SPATA6: variants seen among roughly 807,000 people sequenced by gnomAD.
SPATA6 encodes spermatogenesis associated 6, also known as spermatogenesis-associated protein 6.
SPATA6 carries 56 observed loss-of-function variants against 65.3 expected under a neutral mutation model. The observed-to-expected ratio is 0.86, with a 90% CI of 0.69 to 1.07. The LOEUF is 1.07. SPATA6 is among the 50% of genes least tolerant of loss of function. SPATA6 has a pLI of 0.00. For missense variants in SPATA6, 590 were observed against 594.8 expected (o/e 0.99, Z 0.08); for synonymous variants, 199 against 213.2 (o/e 0.93, Z 0.58).
At chr1:48,445,659 C>CAAAAAAAAA (rs10632587) in intron 3 of SPATA6, among the ~76,000 whole-genome samples, 1 of 51,274 alleles carries the variant, frequency 2.0e-5, no homozygotes, top group Non-Finnish European at 3.1e-5. Context: ...GACTCTGTCT[C>CAAAAAAAAA]AAAAAAAAAA....
chr1:48,439,580 G>A (rs1216257216), intron 3 of SPATA6, among the ~76,000 whole-genome samples: 4 of 152,184 alleles, frequency 2.6e-5, no homozygotes, highest in African/African-American at 9.7e-5. Flanking sequence ...CTGCATCGGT[G>A]AGCACAACTA....
In SPATA6 at chr1:48,369,343, GCTGT is replaced by G. The variant is rs201342781; in HGVS notation, c.910-9577_910-9574del. Among the ~76,000 whole-genome samples, 186 of 152,332 alleles carry G rather than the reference GCTGT, an allele frequency of 1.2e-3. 2 individuals are homozygous for G. The East Asian group carries it at 0.034, about 28-fold the overall frequency. ...CTGTCAGACAGGGACATTTAAGTCT[GCTGT>G]CTTTTTGTTTGTCTGTGCCCTGCCC... On this transcript the variant is annotated intron_variant, in intron 9 of 12. Transcript: ENST00000371847.
At chr1:48,412,116 C>T (rs911157972) in intron 4 of SPATA6, among the ~76,000 whole-genome samples, 2 of 152,024 alleles carry the variant, frequency 1.3e-5, no homozygotes, top group Non-Finnish European at 2.9e-5. Flanking sequence ...CACCTTGGCC[C>T]CACAAAGTGC....
intron 5 of SPATA6, among the ~76,000 whole-genome samples, chr1:48,409,499 T>C (rs998780908): frequency 3.9e-5 from 6 of 152,318 alleles, no homozygotes; most frequent in South Asian, 2.1e-4. Context: ...GTGGCCCTCT[T>C]CTCACAGCTC....
At chr1:48,427,501 C>A (rs1570541297) in intron 3 of SPATA6, among the ~76,000 whole-genome samples, 4 of 147,432 alleles carry the variant, frequency 2.7e-5, no homozygotes, top group Admixed American at 2.7e-4. Context: ...GAAATGGATA[C>A]ATTATTGCTG....
chr1:48,390,142 G>T (rs764201839), intron 8 of SPATA6, among the ~76,000 whole-genome samples: 2 of 152,078 alleles, frequency 1.3e-5, no homozygotes, highest in Admixed American at 6.6e-5. Context: ...ATTCACAGTC[G>T]CCAAAACATG....
intron 9 of SPATA6, among the ~76,000 whole-genome samples, chr1:48,363,476 A>T (rs1020454999): frequency 5.3e-5 from 8 of 152,278 alleles, no homozygotes; most frequent in Admixed American, 2.6e-4. Context: ...ATGAACTGAA[A>T]ACACAATATT....
chr1:48,369,350 TTTTG>T (rs1647152728), intron 9 of SPATA6, among the ~76,000 whole-genome samples: 1 of 152,086 alleles, frequency 6.6e-6, no homozygotes, highest in African/African-American at 2.4e-5. Context: ...TCTGCTGTCT[TTTTG>T]TTTGTCTGTG....
intron 9 of SPATA6, among the ~76,000 whole-genome samples, chr1:48,380,320 T>C (rs1254970478): frequency 1.3e-5 from 2 of 152,234 alleles, no homozygotes; most frequent in African/African-American, 4.8e-5. Flanking sequence ...CAGATATATT[T>C]ATATGACAAT....
the SPATA6 span, among the ~76,000 whole-genome samples, chr1:48,288,259 T>C: frequency 6.6e-6 from 1 of 152,358 alleles, no homozygotes; most frequent in African/African-American, 2.4e-5. Context: ...CTGTTTTCTT[T>C]TCTTGAAGTG....
At chr1:48,280,183 G>C in the SPATA6 span, among the ~76,000 whole-genome samples, 1 of 151,794 alleles carries the variant, frequency 6.6e-6, no homozygotes, top group Non-Finnish European at 1.5e-5. Context: ...ATTCAAAGCA[G>C]TGTGTAGCGG....
the SPATA6 span, among the ~76,000 whole-genome samples, chr1:48,273,347 CA>C: frequency 6.6e-6 from 1 of 151,824 alleles, no homozygotes; most frequent in Non-Finnish European, 1.5e-5. Flanking sequence ...TGCCAAACAT[CA>C]TTTTTTTTAT....
intron 11 of SPATA6, among the ~76,000 whole-genome samples, chr1:48,315,712 A>C (rs1357552958): frequency 6.6e-6 from 1 of 152,236 alleles, no homozygotes. Flanking sequence ...GGAGAAGGAA[A>C]TAAAGGGTAT....
intron 3 of SPATA6, among the ~76,000 whole-genome samples, chr1:48,419,092 T>C (rs924651641): frequency 6.6e-6 from 1 of 152,174 alleles, no homozygotes; most frequent in Non-Finnish European, 1.5e-5. Context: ...AAAAAACTTA[T>C]GAGTAATCAA....
At chr1:48,433,648 C>G (rs1425780281) in intron 3 of SPATA6, among the ~76,000 whole-genome samples, 1 of 152,112 alleles carries the variant, frequency 6.6e-6, no homozygotes, top group Non-Finnish European at 1.5e-5. Flanking sequence ...CAAACAGCTG[C>G]TATAATAATT....
chr1:48,425,638 T>C (rs1653767890), intron 3 of SPATA6, among the ~76,000 whole-genome samples: 1 of 152,144 alleles, frequency 6.6e-6, no homozygotes, highest in African/African-American at 2.4e-5. Flanking sequence ...GAACAGAATC[T>C]AGAAAAAAGT....
chr1:48,467,653 A>T (rs1467518812), intron 1 of SPATA6, among the ~76,000 whole-genome samples: 1 of 152,158 alleles, frequency 6.6e-6, no homozygotes, highest in Non-Finnish European at 1.5e-5. Flanking sequence ...TACAGAATGG[A>T]GAAAATCTGA....
At chr1:48,330,405 T>C (rs1381864042) in intron 11 of SPATA6, among the ~76,000 whole-genome samples, 2 of 152,156 alleles carry the variant, frequency 1.3e-5, no homozygotes, top group African/African-American at 4.8e-5. Context: ...CTTCCAGTTA[T>C]CACAGGAAAT....
intron 11 of SPATA6, among the ~76,000 whole-genome samples, chr1:48,309,045 C>A (rs1450893801): frequency 1.3e-5 from 2 of 152,106 alleles, no homozygotes; most frequent in Non-Finnish European, 2.9e-5. Context: ...GCCACAATGC[C>A]AGGCTTATCT....
Sources: allele counts gnomAD v4.1 joint callset (sites outside exome capture counted in the v4.1 genomes callset), GRCh38; gene constraint gnomAD v4.1.1; transcripts MANE v1.5; gene names NCBI Gene and HGNC (gene_info 2026-07-23, HGNC 2026-07-21).